DLG2: variants seen among roughly 807,000 people sequenced by gnomAD.
DLG2 encodes the protein discs large MAGUK scaffold protein 2, also known as disks large homolog 2.
In DLG2, 45 loss-of-function variants were observed where a neutral mutation model predicts 132.5. That is an observed-to-expected ratio of 0.34 (90% confidence interval 0.27 to 0.44). DLG2 has a LOEUF of 0.44. DLG2 is among the 20% of genes least tolerant of loss of function. The pLI, the probability that DLG2 is intolerant of heterozygous loss-of-function variation, is 1.00. For missense variants in DLG2, 1,045 were observed against 1,196.9 expected (o/e 0.87, Z 1.87); for synonymous variants, 424 against 419.6 (o/e 1.01, Z -0.13).
chr11:84,304,224 G>T (rs2098189446), intron 7 of DLG2, among the ~76,000 whole-genome samples: 1 of 152,104 alleles, frequency 6.6e-6, no homozygotes, highest in Non-Finnish European at 1.5e-5. Context: ...TCACAAAGAG[G>T]CCACAAGATT....
intron 3 of DLG2, among the ~76,000 whole-genome samples, chr11:85,517,315 T>C (rs939153062): frequency 6.6e-6 from 1 of 152,066 alleles, no homozygotes; most frequent in African/African-American, 2.4e-5. Flanking sequence ...GATGAACCTA[T>C]AGCCAATGTC....
intron 4 of DLG2, among the ~76,000 whole-genome samples, chr11:85,179,334 GA>G (rs2152508609): frequency 6.6e-6 from 1 of 151,726 alleles, no homozygotes; most frequent in East Asian, 1.9e-4. Context: ...TCAGCAAAAA[GA>G]AAAATAAACT....
chr11:83,655,105 T>C (rs191927480), intron 18 of DLG2, among the ~76,000 whole-genome samples: 1 of 152,356 alleles, frequency 6.6e-6, no homozygotes, highest in Non-Finnish European at 1.5e-5. Flanking sequence ...TTTCTCCATC[T>C]TGGCATTTAC....
At chr11:84,319,980 A>G (rs1320533589) in intron 7 of DLG2, among the ~76,000 whole-genome samples, 1 of 152,198 alleles carries the variant, frequency 6.6e-6, no homozygotes, top group Non-Finnish European at 1.5e-5. Flanking sequence ...AAACAGATAA[A>G]TATGTTCAAC....
At chr11:85,618,579 A>G (rs1432489835) in intron 2 of DLG2, among the ~76,000 whole-genome samples, 1 of 152,168 alleles carries the variant, frequency 6.6e-6, no homozygotes, top group Non-Finnish European at 1.5e-5. Context: ...CATGGACATA[A>G]AGACAGGAAC....
chr11:84,964,698 C>T (rs1213346190), intron 6 of DLG2, among the ~76,000 whole-genome samples: 1 of 152,054 alleles, frequency 6.6e-6, no homozygotes, highest in Non-Finnish European at 1.5e-5. Context: ...AAGTTTATTG[C>T]ACTTAGTCTT....
intron 5 of DLG2, among the ~76,000 whole-genome samples, chr11:85,142,972 T>G (rs1199696799): frequency 6.6e-6 from 1 of 151,828 alleles, no homozygotes; most frequent in Non-Finnish European, 1.5e-5. Flanking sequence ...TTGTTGAGGA[T>G]TTTTGCATCT....
intron 6 of DLG2, among the ~76,000 whole-genome samples, chr11:84,951,249 A>C (rs537948560): frequency 7.2e-5 from 11 of 152,334 alleles, no homozygotes; most frequent in African/African-American, 2.6e-4. Context: ...CATTATTCTA[A>C]TCTTTACAAG....
chr11:84,024,186 C>T (rs1383793817), intron 11 of DLG2, among the ~76,000 whole-genome samples: 3 of 151,980 alleles, frequency 2.0e-5, no homozygotes, highest in Non-Finnish European at 4.4e-5. Context: ...TCTGAAGGCA[C>T]GAGAAAGCAC....
intron 18 of DLG2, among the ~76,000 whole-genome samples, chr11:83,680,000 G>C (rs1003164097): frequency 6.6e-6 from 1 of 152,064 alleles, no homozygotes; most frequent in African/African-American, 2.4e-5. Context: ...TGCCTCTTTC[G>C]CTTTTAATCC....
chr11:84,927,810 A>G (rs982866140), intron 6 of DLG2, among the ~76,000 whole-genome samples: 11 of 151,974 alleles, frequency 7.2e-5, no homozygotes, highest in Non-Finnish European at 1.5e-5. Context: ...TAAAGTCTAG[A>G]GCAGTGGTAC....
rs55987930 is a variant in DLG2, at chr11:83,962,911, G to A, written c.1314C>T (p.His438=). 8,693 of 1,613,018 alleles carry A rather than the reference G, an allele frequency of 5.4e-3. 38 individuals carry two copies. Among genetic ancestry groups the A allele is most frequent in the Non-Finnish European group, 6.7e-3 (7,954 of 1,179,140 alleles). ...SPGRYSPIPK[H]MLVDDDYTRP... is the part of the protein sequence containing the mutation. Reference sequence around the variant, plus strand: ...TGGTGTAGTCGTCGTCAACAAGCATGTGCTTTGGAATTGGTGAGTACCTTC... The same window carrying A: ...TGGTGTAGTCGTCGTCAACAAGCATATGCTTTGGAATTGGTGAGTACCTTC... Residue 438 remains histidine (H), a synonymous_variant, in exon 14 of 28, where the codon CAC becomes CAT. Transcript: ENST00000376104.
intron 6 of DLG2, among the ~76,000 whole-genome samples, chr11:85,050,029 G>GT (rs969504155): frequency 3.3e-5 from 5 of 151,272 alleles, no homozygotes; most frequent in Admixed American, 1.3e-4. Flanking sequence ...TTGGCTAGAT[G>GT]TCCAGTCTTT....
chr11:83,711,606 T>C (rs756085798), intron 18 of DLG2, among the ~76,000 whole-genome samples: 4 of 152,218 alleles, frequency 2.6e-5, no homozygotes, highest in East Asian at 3.9e-4. Flanking sequence ...ACTACCCAGC[T>C]AGCCAGCTTT....
intron 3 of DLG2, among the ~76,000 whole-genome samples, chr11:85,401,988 C>A (rs898636428): frequency 7.0e-6 from 1 of 142,386 alleles, no homozygotes; most frequent in Non-Finnish European, 1.6e-5. Flanking sequence ...TAATAAAAAA[C>A]TACTTTTAAT....
At chr11:83,604,198 T>C (rs1055259489) in intron 19 of DLG2, among the ~76,000 whole-genome samples, 10 of 152,324 alleles carry the variant, frequency 6.6e-5, no homozygotes, top group African/African-American at 2.4e-4. Flanking sequence ...ACTCCAAATA[T>C]ACTAGAAAAA....
At chr11:84,505,191 A>C (rs564428725) in intron 7 of DLG2, among the ~76,000 whole-genome samples, 3 of 152,170 alleles carry the variant, frequency 2.0e-5, no homozygotes, top group Non-Finnish European at 4.4e-5. Flanking sequence ...TAGCAATGCA[A>C]CAATGGTAGG....
intron 18 of DLG2, among the ~76,000 whole-genome samples, chr11:83,685,126 C>T (rs2079515545): frequency 6.6e-6 from 1 of 152,112 alleles, no homozygotes; most frequent in Admixed American, 6.6e-5. Context: ...ATTATCTTTA[C>T]CGTATAGGTG....
At chr11:84,212,987 T>G (rs979508410) in intron 8 of DLG2, among the ~76,000 whole-genome samples, 1 of 152,174 alleles carries the variant, frequency 6.6e-6, no homozygotes, top group Non-Finnish European at 1.5e-5. Context: ...ACGGGGTAGG[T>G]AGATAGTTCC....
Sources: allele counts gnomAD v4.1 joint callset (sites outside exome capture counted in the v4.1 genomes callset), GRCh38; gene constraint gnomAD v4.1.1; transcripts MANE v1.5; gene names NCBI Gene and HGNC (gene_info 2026-07-23, HGNC 2026-07-21).